DPPA4: variants seen among roughly 807,000 people sequenced by gnomAD.
DPPA4 encodes developmental pluripotency associated 4, also known as developmental pluripotency-associated protein 4.
Under a neutral mutation model 33.7 loss-of-function variants are expected in DPPA4, and 22 were observed. That is an observed-to-expected ratio of 0.65 (90% CI 0.47 to 0.93). DPPA4 has a LOEUF of 0.93. DPPA4 is among the 40% of genes least tolerant of loss of function. The probability of loss-of-function intolerance (pLI) is 0.00; values close to 1 mark genes in which losing one functional copy is unlikely to be tolerated. For missense variants in DPPA4, 340 were observed against 358.6 expected (o/e 0.95, Z 0.42); for synonymous variants, 156 against 132.3 (o/e 1.18, Z -1.23).
At chr3:109,334,204 A>G (rs1048598590) in intron 1 of DPPA4, among the ~76,000 whole-genome samples, 3 of 152,234 alleles carry the variant, frequency 2.0e-5, no homozygotes, top group African/African-American at 7.2e-5. Context: ...CCAGTTTGAA[A>G]GCACATGAAA....
chr3:109,335,570 G>T (rs1024530377), intron 1 of DPPA4, among the ~76,000 whole-genome samples: 3 of 152,008 alleles, frequency 2.0e-5, no homozygotes, highest in African/African-American at 7.2e-5. Context: ...TGGAATTACA[G>T]GCGCCTGCCA....
chr3:109,332,319 T>C (rs1708101109), intron 2 of DPPA4: 1 of 209,774 alleles, frequency 4.8e-6, no homozygotes, highest in Admixed American at 5.2e-5. Flanking sequence ...GCCAAGCTGG[T>C]CTCGAACTCC....
At chr3:109,328,482 A>C (rs1404465605) in intron 6 of DPPA4, among the ~76,000 whole-genome samples, 1 of 152,164 alleles carries the variant, frequency 6.6e-6, no homozygotes, top group Non-Finnish European at 1.5e-5. Flanking sequence ...TCTCCTTTCC[A>C]TCTAGTCGAT....
At chr3:109,338,587 GA>G (rs1485362523), upstream of DPPA4, among the ~76,000 whole-genome samples, 1 of 151,990 alleles carries the variant, frequency 6.6e-6, no homozygotes, top group Non-Finnish European at 1.5e-5. Flanking sequence ...TGATAAATAA[GA>G]GACTGTCTTT....
intron 5 of DPPA4, 173 bp downstream of exon 5, chr3:109,330,345 AGAAATG>A: frequency 3.6e-6 from 2 of 548,098 alleles, no homozygotes; most frequent in South Asian, 2.1e-5. Context: ...AAAAAAAAAA[AGAAATG>A]CAAATAAATG....
chr3:109,331,983 T>C lies in DPPA4; in HGVS notation c.227A>G (p.Gln76Arg). ...KAEHTDNPRP[Q>R]KKIPIPPLPS... ...TAATGGAGGGATTGGTATCTTCTTCTGAGGTCTGGGGTTGTCAGTGTGCTC... is the reference window on the plus strand; with the variant it reads ...TAATGGAGGGATTGGTATCTTCTTCCGAGGTCTGGGGTTGTCAGTGTGCTC... The change falls in exon 3 of 7, where the codon CAG (glutamine) becomes CGG (arginine). Residue 76 changes from glutamine to arginine, a missense_variant. Gln to Arg is a conservative substitution (Grantham distance 43). Transcript: ENST00000335658. The C allele has an allele frequency of 6.2e-7, 1 of 1,614,138 alleles. No individual in the cohort carries two copies. Among genetic ancestry groups the C allele is most frequent in the Non-Finnish European group, 8.5e-7 (1 of 1,179,978 alleles).
In DPPA4 at chr3:109,334,069, C is replaced by A. The variant is rs1576838892; in HGVS notation, c.55-76G>T. The A allele has an allele frequency of 3.9e-6, 6 of 1,551,892 alleles. No individual in the cohort carries two copies. The East Asian group carries it at 1.4e-4, about 35-fold the overall frequency. ...ATACACTACCTGCCTCAAGATAACTCACTTCTAAGGCACCAACGCAGTTAC... is the reference window on the plus strand; with the variant it reads ...ATACACTACCTGCCTCAAGATAACTAACTTCTAAGGCACCAACGCAGTTAC... On this transcript the variant is annotated intron_variant, in intron 1 of 6. Coordinates refer to ENST00000335658, the MANE Select transcript of DPPA4 (RefSeq NM_018189.4).
chr3:109,329,260 G>C (rs774022385), intron 5 of DPPA4, 172 bp from the exon 6 acceptor site: 15 of 647,364 alleles, frequency 2.3e-5, no homozygotes, highest in Non-Finnish European at 3.5e-5. Flanking sequence ...TACAAGCTGG[G>C]CGCAGTGGCT....
intron 1 of DPPA4, among the ~76,000 whole-genome samples, chr3:109,336,734 G>A (rs1037565813): frequency 6.6e-6 from 1 of 152,046 alleles, no homozygotes; most frequent in Non-Finnish European, 1.5e-5. Flanking sequence ...AACCCGGGCC[G>A]GGAGCAGCGG....
rs1708084656 is a variant in DPPA4 at position 109,331,727 on chromosome 3, A to G, written c.390+7T>C. 6.2e-7 allele frequency: 1 copy of G among 1,613,442 alleles called. No homozygotes were observed. Among genetic ancestry groups the G allele is most frequent in the Non-Finnish European group, 8.5e-7 (1 of 1,179,528 alleles). On this transcript the variant is annotated splice_region_variant and intron_variant, in intron 4 of 6. Transcript: ENST00000335658. Reference sequence around the variant, plus strand: ...AGCATTGAAACGTCCATCCTTTAAAAAGTTACCTTTTGATTTGGGTAGGCA... The same window carrying G: ...AGCATTGAAACGTCCATCCTTTAAAGAGTTACCTTTTGATTTGGGTAGGCA...
intron 5 of DPPA4, 30 bp downstream of exon 5, chr3:109,330,494 A>G: frequency 6.2e-7 from 1 of 1,611,366 alleles, no homozygotes; most frequent in Non-Finnish European, 8.5e-7. Flanking sequence ...TCCCCATTGG[A>G]CCAGAATAAG....
intron 1 of DPPA4, among the ~76,000 whole-genome samples, chr3:109,334,610 T>G (rs1576839331): frequency 6.6e-6 from 1 of 152,242 alleles, no homozygotes; most frequent in East Asian, 1.9e-4. Context: ...CCCCCAGTCC[T>G]TCATTCTTGA....
chr3:109,330,314 A>AGG (rs1559707684), intron 5 of DPPA4: 2 of 30,658 alleles, frequency 6.5e-5, no homozygotes, highest in South Asian at 8.1e-4. Context: ...AAAAAAAAAA[A>AGG]AAAAAAAAAA....
intron 1 of DPPA4, among the ~76,000 whole-genome samples, chr3:109,335,459 C>T (rs939054586): frequency 6.6e-6 from 1 of 152,132 alleles, no homozygotes; most frequent in Non-Finnish European, 1.5e-5. Flanking sequence ...AGAGGAGTCT[C>T]GCTCTGTCAC....
chr3:109,332,079 T>C, intron 2 of DPPA4, 48 bp from the exon 3 acceptor site: 1 of 1,464,090 alleles, frequency 6.8e-7, no homozygotes, highest in Non-Finnish European at 9.3e-7. Context: ...TTGTGTAGCT[T>C]TTCTGAATTT....
At chr3:109,334,943 A>AC (rs1484539938) in intron 1 of DPPA4, among the ~76,000 whole-genome samples, 1 of 152,090 alleles carries the variant, frequency 6.6e-6, no homozygotes, top group Non-Finnish European at 1.5e-5. Context: ...ACTAAATACT[A>AC]CCTCATTTCT....
In DPPA4 at chr3:109,331,974, A is replaced by G. The variant is rs746298407; in HGVS notation, c.236T>C (p.Ile79Thr). 1.2e-6 allele frequency: 2 copies of G among 1,614,110 alleles called. No homozygotes were observed. Among genetic ancestry groups the G allele is most frequent in the East Asian group, 2.2e-5 (1 of 44,878 alleles). The change falls in exon 3 of 7, where the codon ATA (isoleucine) becomes ACA (threonine). Residue 79 changes from isoleucine to threonine, a missense_variant. Ile to Thr is a moderately conservative substitution (Grantham distance 89). Coordinates refer to ENST00000335658, the MANE Select transcript of DPPA4 (RefSeq NM_018189.4). ...HTDNPRPQKK[I>T]PIPPLPSKLP... ...TTTAGAAGGTAATGGAGGGATTGGT[A>G]TCTTCTTCTGAGGTCTGGGGTTGTC...
rs1470142494 is a variant in DPPA4, at chr3:109,326,354, A to G, written c.*1634T>C. 1 of 151,414 alleles carries G rather than the reference A, an allele frequency of 6.6e-6. No individual in the cohort carries two copies. Among genetic ancestry groups the G allele is most frequent in the East Asian group, 1.9e-4 (1 of 5,196 alleles). 9.4% of individuals were successfully genotyped at this position (151,414 alleles called of 1,614,324 possible). A position where few individuals can be genotyped will look rare whatever the true frequency, so the allele number is the denominator to read the frequency against. Reference sequence around the variant, plus strand: ...AAACAAAAGGAACAATACACATAGTATAAGAAAAAATGTCTATTATTTATT... The same window carrying G: ...AAACAAAAGGAACAATACACATAGTGTAAGAAAAAATGTCTATTATTTATT... On this transcript the variant is annotated 3_prime_UTR_variant, in exon 7 of 7. Coordinates refer to ENST00000335658, the MANE Select transcript of DPPA4 (RefSeq NM_018189.4).
At position 109,330,420 on chromosome 3, in the gene DPPA4, G is replaced by A. The variant is rs189707690; in HGVS notation, c.679+104C>T. The A allele has an allele frequency of 1.5e-5, 19 of 1,305,252 alleles. No individual in the cohort carries two copies. In the East Asian group the frequency reaches 1.6e-4, roughly 11 times the overall value. 80.9% of individuals were successfully genotyped at this position (1,305,252 alleles called of 1,614,324 possible). On this transcript the variant is annotated intron_variant, in intron 5 of 6. Transcript: ENST00000335658. ...CTGTGGGCAGGGTCCAGGAATCACC[G>A]GCCCTCAAAGGGATTTTGATATACC...
Sources: allele counts gnomAD v4.1 joint callset (sites outside exome capture counted in the v4.1 genomes callset), GRCh38; gene constraint gnomAD v4.1.1; transcripts MANE v1.5; gene names NCBI Gene and HGNC (gene_info 2026-07-23, HGNC 2026-07-21).